Variants in ACKR2 observed in about 807,000 individuals in gnomAD.
ACKR2 encodes the protein C-C chemokine receptor D6.
For missense variants in ACKR2, 457 were observed against 477.3 expected, an observed-to-expected ratio of 0.96 and a Z score of 0.40; for synonymous variants, 207 against 192.2, an observed-to-expected ratio of 1.08 and a Z score of -0.64.
chr3:42,837,994 A>T (rs1701001774), intron 2 of ACKR2, among the ~76,000 whole-genome samples: 1 of 152,226 alleles, frequency 6.6e-6, no homozygotes, highest in Non-Finnish European at 1.5e-5. Context: ...AATTTATATT[A>T]TCAGAAACCT....
chr3:42,843,030 CTAGCTATTTATT>C (rs1701055809), intron 2 of ACKR2, among the ~76,000 whole-genome samples: 2 of 138,750 alleles, frequency 1.4e-5, no homozygotes, highest in Non-Finnish European at 3.1e-5. Context: ...TGAGTCATGT[CTAGCTATTTATT>C]TATTTATTTA....
chr3:42,853,993 G>A (rs1701191176), intron 2 of ACKR2, among the ~76,000 whole-genome samples: 1 of 152,110 alleles, frequency 6.6e-6, no homozygotes, highest in African/African-American at 2.4e-5. Flanking sequence ...CTCAGGATGG[G>A]TGTGCTTTCA....
At chr3:42,815,110 GT>G (rs1214676561) in intron 1 of ACKR2, among the ~76,000 whole-genome samples, 2 of 152,180 alleles carry the variant, frequency 1.3e-5, no homozygotes, top group Non-Finnish European at 2.9e-5. Flanking sequence ...CCTGGACAAT[GT>G]TCTATTAGGT....
intron 1 of ACKR2, among the ~76,000 whole-genome samples, chr3:42,812,626 C>T (rs1700707116): frequency 6.6e-6 from 1 of 150,506 alleles, no homozygotes; most frequent in Admixed American, 6.6e-5. Flanking sequence ...TCTTAGTATT[C>T]CATGCAGCTT....
intron 2 of ACKR2, among the ~76,000 whole-genome samples, chr3:42,839,585 C>T (rs142767870): frequency 2.0e-5 from 3 of 152,236 alleles, no homozygotes; most frequent in Admixed American, 6.5e-5. Flanking sequence ...TCTATACGAC[C>T]GGTTAGCATT....
intron 2 of ACKR2, among the ~76,000 whole-genome samples, chr3:42,860,347 C>T (rs1401888495): frequency 6.6e-6 from 1 of 152,030 alleles, no homozygotes; most frequent in African/African-American, 2.4e-5. Flanking sequence ...CACCCAGATT[C>T]ATAAAGCAAG....
intron 2 of ACKR2, among the ~76,000 whole-genome samples, chr3:42,842,215 C>T (rs1020806629): frequency 4.6e-5 from 7 of 152,110 alleles, no homozygotes; most frequent in African/African-American, 1.7e-4. Context: ...CAGAGAAAGT[C>T]ATGGGTTTGA....
chr3:42,864,670 T>A lies in ACKR2; in HGVS notation c.168T>A (p.Ile56=). 1 of 1,614,170 alleles carries A rather than the reference T, an allele frequency of 6.2e-7. No homozygotes were observed. The highest frequency in any genetic ancestry group is 1.3e-5 in the African/African-American group (1 of 75,042). The part of the protein sequence containing the change: ...KVFLPVFYSL[I]FVLGLSGNLL... ...TCCTCCCAGTCTTCTATAGCCTGATTTTTGTGTTGGGCCTCAGCGGGAACC... is the reference window on the plus strand; with the variant it reads ...TCCTCCCAGTCTTCTATAGCCTGATATTTGTGTTGGGCCTCAGCGGGAACC... The change falls in exon 3 of 3, where the codon ATT becomes ATA. Residue 56 remains isoleucine (I), a synonymous_variant. Coordinates refer to ENST00000422265, the MANE Select transcript of ACKR2 (RefSeq NM_001296.5).
At chr3:42,811,404 T>C (rs1700692780) in intron 1 of ACKR2, among the ~76,000 whole-genome samples, 2 of 152,330 alleles carry the variant, frequency 1.3e-5, no homozygotes, top group South Asian at 4.1e-4. Flanking sequence ...TTGTTAACAA[T>C]ATGTTTACAG....
chr3:42,811,874 G>A (rs180842586), intron 1 of ACKR2, among the ~76,000 whole-genome samples: 4 of 152,210 alleles, frequency 2.6e-5, no homozygotes, highest in East Asian at 3.9e-4. Flanking sequence ...GTGCACATCC[G>A]GGCACAGTAC....
intron 2 of ACKR2, among the ~76,000 whole-genome samples, chr3:42,838,314 G>A (rs1372029991): frequency 6.6e-6 from 1 of 152,084 alleles, no homozygotes; most frequent in African/African-American, 2.4e-5. Flanking sequence ...TTTTATAAAG[G>A]ATATGGAAAT....
At chr3:42,862,006 T>A (rs1415741783) in intron 2 of ACKR2, among the ~76,000 whole-genome samples, 3 of 152,202 alleles carry the variant, frequency 2.0e-5, no homozygotes, top group Admixed American at 2.0e-4. Flanking sequence ...TTGGAAGTTC[T>A]GGCCAGGGCA....
chr3:42,863,429 A>G (rs192037955), intron 2 of ACKR2, among the ~76,000 whole-genome samples: 2 of 152,360 alleles, frequency 1.3e-5, no homozygotes, highest in Admixed American at 1.3e-4. Context: ...AAATTAGTTC[A>G]ACCATTGTGG....
At chr3:42,848,327 C>T (rs1180102676) in intron 2 of ACKR2, among the ~76,000 whole-genome samples, 1 of 147,898 alleles carries the variant, frequency 6.8e-6, no homozygotes, top group African/African-American at 2.5e-5. Context: ...AAACAATCCT[C>T]TCAACTCAGC....
chr3:42,811,091 C>T (rs780716354), intron 1 of ACKR2, among the ~76,000 whole-genome samples: 4 of 152,252 alleles, frequency 2.6e-5, no homozygotes, highest in Non-Finnish European at 5.9e-5. Context: ...CTGAAGTGAT[C>T]TGCCCACCTC....
At chr3:42,863,378 G>A (rs1222841772) in intron 2 of ACKR2, among the ~76,000 whole-genome samples, 1 of 152,224 alleles carries the variant, frequency 6.6e-6, no homozygotes, top group Non-Finnish European at 1.5e-5. Flanking sequence ...TTGAGAGGAT[G>A]TGGAGAAATA....
intron 2 of ACKR2, chr3:42,841,536 A>G (rs1464947134): frequency 6.6e-6 from 1 of 152,188 alleles, no homozygotes; most frequent in Non-Finnish European, 1.5e-5. Flanking sequence ...GACTATTCCC[A>G]GGGCTTTGCT....
At chr3:42,856,090 T>C in intron 2 of ACKR2, 1 of 405,246 alleles carries the variant, frequency 2.5e-6, no homozygotes. Context: ...GGAGTGTCCT[T>C]ACTGCTGCCC....
intron 2 of ACKR2, among the ~76,000 whole-genome samples, chr3:42,822,376 C>G (rs1000368550): frequency 1.6e-4 from 24 of 152,236 alleles, no homozygotes; most frequent in South Asian, 4.1e-4. Context: ...ATGTCACTAC[C>G]TGAATAGAAT....
Sources: gnomAD v4.1 joint callset for allele counts (sites outside exome capture counted in the v4.1 genomes callset) on GRCh38, gnomAD v4.1.1 for gene constraint, MANE v1.5 for transcripts, NCBI Gene and HGNC (gene_info 2026-07-23, HGNC 2026-07-21) for gene names.